Variants in ZDHHC21 observed in about 807,000 individuals in gnomAD.
ZDHHC21 encodes zDHHC palmitoyltransferase 21, also known as palmitoyltransferase ZDHHC21.
ZDHHC21 carries 15 observed loss-of-function variants against 34.6 expected under a neutral mutation model. The ratio of observed to expected loss-of-function variants is 0.43; its 90% CI spans 0.29 to 0.67. ZDHHC21 has a LOEUF of 0.67. Among genes scored for constraint, ZDHHC21 ranks in the 30% least tolerant of loss-of-function variants. The pLI, the probability that ZDHHC21 is intolerant of heterozygous loss-of-function variation, is 0.14. For synonymous variants in ZDHHC21, 142 were observed against 101.8 expected, an observed-to-expected ratio of 1.40 and a Z score of -2.38; for missense variants, 344 against 327.7, an observed-to-expected ratio of 1.05 and a Z score of -0.38.
intron 3 of ZDHHC21, 26 bp from the exon 4 acceptor site, chr9:14,674,411 ATTAC>A: frequency 7.0e-7 from 1 of 1,433,822 alleles, no homozygotes; most frequent in Non-Finnish European, 9.3e-7. Flanking sequence ...AAAGAAAATA[ATTAC>A]TTACATAGAA....
In ZDHHC21 at chr9:14,669,618, T is replaced by G. The variant is rs1378010778; in HGVS notation, c.253+3212A>C. 8.2e-3 allele frequency among the ~76,000 whole-genome samples: 1,180 copies of G among 144,010 alleles called. 4 individuals carry two copies. Among genetic ancestry groups the G allele is most frequent in the Non-Finnish European group, 0.013 (871 of 65,430 alleles). 94.5% of individuals were successfully genotyped at this position (144,010 alleles called of 152,430 possible). ...TGGAACCAACCCAAATGTCCAACAA[T>G]GATAGACTGGATTAAGAAAATGTGG... is the stretch of plus-strand genomic sequence containing the variant. On this transcript the variant is annotated intron_variant, in intron 5 of 9. Coordinates refer to ENST00000380916, the MANE Select transcript of ZDHHC21 (RefSeq NM_178566.6).
At chr9:14,642,445 T>TA (rs1320007441) in intron 7 of ZDHHC21, among the ~76,000 whole-genome samples, 1 of 152,204 alleles carries the variant, frequency 6.6e-6, no homozygotes, top group African/African-American at 2.4e-5. Context: ...TAATCAGTGT[T>TA]ATGGGCTCAA....
chr9:14,690,439 G>C (rs1257637524), intron 1 of ZDHHC21, 54 bp from the exon 2 acceptor site: 2 of 433,812 alleles, frequency 4.6e-6, no homozygotes, highest in South Asian at 3.4e-5. Flanking sequence ...CATCACACTT[G>C]AGCATTTTAG....
chr9:14,605,204 A>ATT, the ZDHHC21 span, among the ~76,000 whole-genome samples: 120 of 147,196 alleles, frequency 8.2e-4, no homozygotes, highest in South Asian at 2.0e-3. Flanking sequence ...TCCTGGTTTC[A>ATT]TTTTTTTTTT....
intron 3 of ZDHHC21, among the ~76,000 whole-genome samples, chr9:14,676,861 G>T (rs550491278): frequency 6.6e-5 from 10 of 151,978 alleles, no homozygotes; most frequent in African/African-American, 2.2e-4. Context: ...AATGACAAGT[G>T]CTCTCTCAAC....
At chr9:14,687,351 A>G (rs1490477508) in intron 2 of ZDHHC21, among the ~76,000 whole-genome samples, 3 of 150,752 alleles carry the variant, frequency 2.0e-5, no homozygotes, top group African/African-American at 7.5e-5. Flanking sequence ...ACCTCTGAGA[A>G]ATGAAATCTC....
At chr9:14,619,532 G>T in intron 9 of ZDHHC21, 107 bp downstream of exon 9, 1 of 962,588 alleles carries the variant, frequency 1.0e-6, no homozygotes, top group Non-Finnish European at 1.5e-6. Flanking sequence ...AATGCACCAA[G>T]AAAAAGCCAT....
intron 7 of ZDHHC21, among the ~76,000 whole-genome samples, chr9:14,651,552 A>G (rs1204095079): frequency 1.3e-5 from 2 of 151,928 alleles, no homozygotes; most frequent in Non-Finnish European, 2.9e-5. Flanking sequence ...GAAATATTTC[A>G]TAGGAGTAGA....
the ZDHHC21 span, among the ~76,000 whole-genome samples, chr9:14,590,651 A>G: frequency 6.6e-6 from 1 of 152,150 alleles, no homozygotes; most frequent in Non-Finnish European, 1.5e-5. Flanking sequence ...TTCAACAAAA[A>G]TATGCTTCAG....
intron 5 of ZDHHC21, among the ~76,000 whole-genome samples, chr9:14,664,014 G>A (rs1304510062): frequency 2.0e-5 from 3 of 152,162 alleles, no homozygotes; most frequent in African/African-American, 4.8e-5. Flanking sequence ...AGCCAAGATG[G>A]CCGAATAGGA....
intron 3 of ZDHHC21, among the ~76,000 whole-genome samples, chr9:14,676,922 TC>T (rs1836501397): frequency 6.6e-6 from 1 of 152,030 alleles, no homozygotes; most frequent in Non-Finnish European, 1.5e-5. Context: ...ATTTTTCAGT[TC>T]TATTCAGGAC....
At chr9:14,684,757 C>CA (rs908176854) in intron 2 of ZDHHC21, among the ~76,000 whole-genome samples, 4 of 151,510 alleles carry the variant, frequency 2.6e-5, no homozygotes, top group African/African-American at 4.9e-5. Context: ...CAATCCTAAG[C>CA]AAAAAAAACA....
chr9:14,669,925 A>G lies in ZDHHC21; in HGVS notation c.253+2905T>C, dbSNP rs562727307. ...TGCTAGATGACGAGTTAGTGGGTGC[A>G]GTGCACCAGCATGGCACATGTATAC... On this transcript the variant is annotated intron_variant, in intron 5 of 9. Coordinates refer to ENST00000380916, the MANE Select transcript of ZDHHC21 (RefSeq NM_178566.6). 5.8e-3 allele frequency among the ~76,000 whole-genome samples: 859 copies of G among 148,888 alleles called. 6 individuals are homozygous for G. Among genetic ancestry groups the G allele is most frequent in the African/African-American group, 0.02 (819 of 40,456 alleles).
At chr9:14,636,902 G>C (rs572214342) in intron 8 of ZDHHC21, among the ~76,000 whole-genome samples, 2 of 151,966 alleles carry the variant, frequency 1.3e-5, no homozygotes, top group Non-Finnish European at 2.9e-5. Flanking sequence ...TACAACAAAA[G>C]CAGTGCTAGG....
intron 3 of ZDHHC21, among the ~76,000 whole-genome samples, chr9:14,678,117 A>G (rs4571826): frequency 0.033 from 5,071 of 152,130 alleles, 303 homozygotes; most frequent in African/African-American, 0.12. Flanking sequence ...TCAGACTTCA[A>G]GGCCAATTTG....
downstream of ZDHHC21, among the ~76,000 whole-genome samples, chr9:14,608,727 T>C (rs1586826140): frequency 6.6e-6 from 1 of 152,114 alleles, no homozygotes; most frequent in East Asian, 1.9e-4. Context: ...GCTGGATGTC[T>C]ACAGGGTCCA....
intron 2 of ZDHHC21, among the ~76,000 whole-genome samples, chr9:14,683,232 A>C (rs1055402797): frequency 3.9e-5 from 6 of 152,238 alleles, no homozygotes; most frequent in Non-Finnish European, 5.9e-5. Flanking sequence ...CTTCAAAAAA[A>C]TCAATGAATC....
At chr9:14,683,299 C>G (rs1837709238) in intron 2 of ZDHHC21, among the ~76,000 whole-genome samples, 2 of 145,316 alleles carry the variant, frequency 1.4e-5, no homozygotes, top group South Asian at 4.6e-4. Context: ...TGATAGACCG[C>G]TAGCAAGACT....
chr9:14,691,765 G>A (rs1263873796), intron 1 of ZDHHC21, among the ~76,000 whole-genome samples: 1 of 152,148 alleles, frequency 6.6e-6, no homozygotes, highest in Non-Finnish European at 1.5e-5. Flanking sequence ...AATTCTGGAA[G>A]AGTACTACAC....
Sources: allele counts gnomAD v4.1 joint callset (sites outside exome capture counted in the v4.1 genomes callset), GRCh38; gene constraint gnomAD v4.1.1; transcripts MANE v1.5; gene names NCBI Gene and HGNC (gene_info 2026-07-23, HGNC 2026-07-21).